SPAG1: variants seen among roughly 807,000 people sequenced by gnomAD.
SPAG1 encodes the protein sperm associated antigen 1, also known as sperm-associated antigen 1.
Under a neutral mutation model 100.5 loss-of-function variants are expected in SPAG1, and 69 were observed. The ratio of observed to expected loss-of-function variants is 0.69; its 90% CI spans 0.57 to 0.84. The LOEUF is 0.84. SPAG1 is among the 40% of genes least tolerant of loss of function. The pLI, the probability that SPAG1 is intolerant of heterozygous loss-of-function variation, is 0.00. For synonymous variants in SPAG1, 336 were observed against 411.6 expected, an observed-to-expected ratio of 0.82 and a Z score of 2.22; for missense variants, 955 against 1,133.1, an observed-to-expected ratio of 0.84 and a Z score of 2.26.
intron 3 of SPAG1, among the ~76,000 whole-genome samples, chr8:100,174,226 G>T (rs1432666784): frequency 6.6e-6 from 1 of 152,096 alleles, no homozygotes; most frequent in Admixed American, 6.5e-5. Context: ...CATATATTTT[G>T]TATGTTATAT....
chr8:100,210,172 T>A (rs1326680791), intron 10 of SPAG1, among the ~76,000 whole-genome samples: 1 of 151,596 alleles, frequency 6.6e-6, no homozygotes, highest in Non-Finnish European at 1.5e-5. Flanking sequence ...GAATTTCACT[T>A]CTATTCCTAG....
chr8:100,164,881 C>T (rs1255666569), intron 2 of SPAG1, among the ~76,000 whole-genome samples: 1 of 152,148 alleles, frequency 6.6e-6, no homozygotes, highest in Non-Finnish European at 1.5e-5. Flanking sequence ...ATTTTTAACT[C>T]AGACAAATAT....
chr8:100,199,807 A>T (rs1817190254), intron 10 of SPAG1, among the ~76,000 whole-genome samples: 5 of 151,934 alleles, frequency 3.3e-5, no homozygotes, highest in Admixed American at 3.3e-4. Flanking sequence ...AGCATTTTTT[A>T]TATATTCTAG....
chr8:100,216,682 C>T (rs1439390721), intron 12 of SPAG1, among the ~76,000 whole-genome samples: 2 of 152,160 alleles, frequency 1.3e-5, no homozygotes, highest in Non-Finnish European at 2.9e-5. Context: ...TGATAGCTGG[C>T]CTACCAGTCC....
chr8:100,220,570 T>C, intron 13 of SPAG1, 139 bp downstream of exon 13: 1 of 699,726 alleles, frequency 1.4e-6, no homozygotes. Context: ...TTTATTCCAT[T>C]ACATCAAATG....
In SPAG1 at chr8:100,240,601, C is replaced by T. The variant is rs6510; in HGVS notation, c.2479C>T (p.His827Tyr). The change falls in exon 18 of 19, where the codon CAT (histidine) becomes TAT (tyrosine). Residue 827 changes from histidine to tyrosine, a missense_variant. Coordinates refer to ENST00000388798, the MANE Select transcript of SPAG1 (RefSeq NM_003114.5). ...CAGGAAGGATAAAGAAGCCTGTGCACATCTTTTAGCCATCACTGCACCAAA... is the reference window on the plus strand; with the variant it reads ...CAGGAAGGATAAAGAAGCCTGTGCATATCTTTTAGCCATCACTGCACCAAA... ...STRKDKEACA[H>Y]LLAITAPKDL... 569 of 1,614,106 alleles carry T rather than the reference C, an allele frequency of 3.5e-4. 3 individuals are homozygous for T. The African/African-American group carries it at 6.0e-3, about 17-fold the overall frequency.
intron 3 of SPAG1, among the ~76,000 whole-genome samples, chr8:100,167,009 C>T (rs962641949): frequency 1.3e-5 from 2 of 152,110 alleles, no homozygotes; most frequent in African/African-American, 2.4e-5. Flanking sequence ...AAAAGTTGTA[C>T]CTTCATACAC....
intron 10 of SPAG1, among the ~76,000 whole-genome samples, chr8:100,199,528 C>T (rs1403969784): frequency 2.0e-5 from 3 of 152,276 alleles, no homozygotes; most frequent in African/African-American, 7.2e-5. Flanking sequence ...TCACTACAAC[C>T]TCCGCCTCCC....
chr8:100,165,228 C>G (rs1279190669), intron 2 of SPAG1: 4 of 516,928 alleles, frequency 7.7e-6, no homozygotes, highest in Admixed American at 2.1e-5. Flanking sequence ...ATATTAACAA[C>G]TTCCATCACG....
intron 12 of SPAG1, among the ~76,000 whole-genome samples, chr8:100,216,854 G>A (rs1818011825): frequency 6.6e-6 from 1 of 151,922 alleles, no homozygotes; most frequent in African/African-American, 2.4e-5. Flanking sequence ...ATGTTAAAGG[G>A]AGTTTTTGTG....
At chr8:100,197,504 T>C (rs190208782) in intron 10 of SPAG1, among the ~76,000 whole-genome samples, 2 of 152,332 alleles carry the variant, frequency 1.3e-5, no homozygotes, top group Admixed American at 1.3e-4. Context: ...CATTGTTTGA[T>C]AGAGTGTGAA....
At chr8:100,202,607 G>A (rs1439088876) in intron 10 of SPAG1, among the ~76,000 whole-genome samples, 1 of 149,808 alleles carries the variant, frequency 6.7e-6, no homozygotes. Context: ...CTACTCGGGA[G>A]GCTGAGGCAG....
At chr8:100,165,754 G>GCTGGT in intron 2 of SPAG1, 60 bp from the exon 3 acceptor site, 1 of 1,428,168 alleles carries the variant, frequency 7.0e-7, no homozygotes. Context: ...CCTGCAAACC[G>GCTGGT]CTGGTCTAGA....
chr8:100,171,290 G>T (rs1815838470), intron 3 of SPAG1, among the ~76,000 whole-genome samples: 1 of 152,122 alleles, frequency 6.6e-6, no homozygotes, highest in African/African-American at 2.4e-5. Flanking sequence ...AGAGATATTG[G>T]TCAATAGTTT....
chr8:100,169,954 C>T (rs1168814433), intron 3 of SPAG1, among the ~76,000 whole-genome samples: 1 of 150,558 alleles, frequency 6.6e-6, no homozygotes, highest in African/African-American at 2.4e-5. Context: ...TTTACAGTAA[C>T]TCTTGAAATC....
rs1475345887 is a variant in SPAG1 at position 100,172,908 on chromosome 8, A to G, written c.301-4908A>G. Among the ~76,000 whole-genome samples the G allele has an allele frequency of 3.9e-5, 6 of 151,960 alleles. No individual in the cohort carries two copies. In the East Asian group the frequency reaches 1.2e-3, roughly 29 times the overall value. On this transcript the variant is annotated intron_variant, in intron 3 of 18. Coordinates refer to ENST00000388798, the MANE Select transcript of SPAG1 (RefSeq NM_003114.5). Reference sequence around the variant, plus strand: ...AGCTCAAAAATATGGTAATTAATCTACCAGTCAAAAATAGCACTTTATGTC... The same window carrying G: ...AGCTCAAAAATATGGTAATTAATCTGCCAGTCAAAAATAGCACTTTATGTC...
intron 3 of SPAG1, among the ~76,000 whole-genome samples, chr8:100,169,287 C>T (rs1019656165): frequency 6.6e-6 from 1 of 152,118 alleles, no homozygotes; most frequent in Non-Finnish European, 1.5e-5. Flanking sequence ...GGTGTGGTGG[C>T]GCATGCCTAC....
chr8:100,200,995 G>T (rs1817253173), intron 10 of SPAG1, among the ~76,000 whole-genome samples: 1 of 151,720 alleles, frequency 6.6e-6, no homozygotes, highest in Admixed American at 6.6e-5. Context: ...CCTTAAGAAA[G>T]ATTTTTTTCA....
intron 8 of SPAG1, among the ~76,000 whole-genome samples, chr8:100,191,173 G>A (rs1386450734): frequency 6.6e-6 from 1 of 152,144 alleles, no homozygotes; most frequent in African/African-American, 2.4e-5. Flanking sequence ...GAGGGCCAGA[G>A]GGTTGTTATA....
Sources: allele counts gnomAD v4.1 joint callset (sites outside exome capture counted in the v4.1 genomes callset), GRCh38; gene constraint gnomAD v4.1.1; transcripts MANE v1.5; gene names NCBI Gene and HGNC (gene_info 2026-07-23, HGNC 2026-07-21).